PARD3B: variants seen among roughly 807,000 people sequenced by gnomAD.
PARD3B encodes the protein par-3 family cell polarity regulator beta.
In PARD3B, 103 loss-of-function variants were observed where a neutral mutation model predicts 130.2. The ratio of observed to expected loss-of-function variants is 0.79; its 90% CI spans 0.67 to 0.93. The LOEUF (loss-of-function observed/expected upper bound fraction) is 0.93, where lower values mean the gene tolerates loss of function less well. Ranked by LOEUF, PARD3B falls within the 40% of genes least tolerant of loss-of-function variation. The pLI, the probability that PARD3B is intolerant of heterozygous loss-of-function variation, is 0.00. For missense variants in PARD3B, 1,609 were observed against 1,499.2 expected (o/e 1.07, Z -1.21); for synonymous variants, 583 against 553.2 (o/e 1.05, Z -0.76).
At chr2:204,916,967 G>A (rs1389306678) in intron 2 of PARD3B, among the ~76,000 whole-genome samples, 2 of 152,114 alleles carry the variant, frequency 1.3e-5, no homozygotes, top group Non-Finnish European at 2.9e-5. Context: ...AAAAATCCCT[G>A]TTCTCTTGGT....
intron 3 of PARD3B, among the ~76,000 whole-genome samples, chr2:205,042,316 C>T (rs956269047): frequency 6.6e-6 from 1 of 152,120 alleles, no homozygotes; most frequent in African/African-American, 2.4e-5. Flanking sequence ...TCACTTTCTC[C>T]TATGAGGACG....
intron 20 of PARD3B, among the ~76,000 whole-genome samples, chr2:205,448,034 CTG>C (rs2047967941): frequency 6.6e-6 from 1 of 152,238 alleles, no homozygotes. Context: ...TGGCCAGGCT[CTG>C]TGCTTAGCAC....
In PARD3B at chr2:205,562,697, T is replaced by A. The variant is rs1283811540; in HGVS notation, c.3260+9294T>A. Among the ~76,000 whole-genome samples, 1 of 152,222 alleles carries A rather than the reference T, an allele frequency of 6.6e-6. No homozygotes were observed. ...TTGCTCTATATCTCATTTCTCATAATCTTTGGTAGTTCTTGATGTTTTCCT... is the reference window on the plus strand; with the variant it reads ...TTGCTCTATATCTCATTTCTCATAAACTTTGGTAGTTCTTGATGTTTTCCT... On this transcript the variant is annotated intron_variant, in intron 22 of 22. Transcript: ENST00000406610. This position sits in a 1 kb window ranked among gnomAD's most constrained non-coding sequence, Gnocchi z 5.4.
intron 15 of PARD3B, among the ~76,000 whole-genome samples, chr2:205,212,854 T>A (rs2037715406): frequency 6.6e-6 from 1 of 152,162 alleles, no homozygotes; most frequent in South Asian, 2.1e-4. Flanking sequence ...TGCCTATTAA[T>A]CTAGAATATG....
At chr2:205,364,457 G>A (rs2044523197) in intron 18 of PARD3B, among the ~76,000 whole-genome samples, 2 of 152,200 alleles carry the variant, frequency 1.3e-5, no homozygotes, top group African/African-American at 4.8e-5. Context: ...GCATTTTGAT[G>A]CAGCCACATT....
At position 205,615,499 on chromosome 2, in the gene PARD3B, C is replaced by G. The variant is rs369194609; in HGVS notation, c.3304C>G (p.Arg1102Gly). The change falls in exon 23 of 23, where the codon CGG becomes GGG. Residue 1102 changes from arginine (R) to glycine (G), a missense_variant. By Grantham distance (125) the Arg-to-Gly change is moderately radical (BLOSUM62 -2). Transcript: ENST00000406610. ...DPVDYLPAAP[R>G]GLYKERELPY... is the part of the protein sequence containing the mutation. The stretch of plus-strand genomic sequence containing the variant: ...TGTAGACTATCTGCCAGCAGCACCT[C>G]GGGGGCTCTACAAGGAAAGGGAGCT... 1.9e-5 allele frequency: 30 copies of G among 1,612,914 alleles called. No homozygotes were observed. The highest frequency in any genetic ancestry group is 3.3e-4 in the Middle Eastern group (2 of 6,070).
intron 2 of PARD3B, among the ~76,000 whole-genome samples, chr2:204,859,305 AC>A (rs1191352272): frequency 6.6e-6 from 1 of 152,138 alleles, no homozygotes. Context: ...TAGAAACTTT[AC>A]TCTGCACATA....
intron 18 of PARD3B, among the ~76,000 whole-genome samples, chr2:205,383,129 T>TAGATAGATAGAG (rs2045535157): frequency 2.9e-5 from 4 of 137,962 alleles, no homozygotes; most frequent in Non-Finnish European, 4.7e-5. Flanking sequence ...GATAGATAGA[T>TAGATAGATAGAG]AGATAGATAG....
At chr2:205,293,129 C>T (rs2041669316) in intron 16 of PARD3B, among the ~76,000 whole-genome samples, 1 of 151,822 alleles carries the variant, frequency 6.6e-6, no homozygotes, top group African/African-American at 2.4e-5. Flanking sequence ...ATAAAAATAG[C>T]ATTTAACCTT....
chr2:205,555,906 G>A (rs1002543588), intron 22 of PARD3B, among the ~76,000 whole-genome samples: 14 of 152,164 alleles, frequency 9.2e-5, no homozygotes, highest in African/African-American at 2.7e-4. Flanking sequence ...CCATGGGTGG[G>A]GGGCTCCAAA....
chr2:205,050,635 CTA>C (rs1699126050), intron 4 of PARD3B, among the ~76,000 whole-genome samples: 1 of 151,242 alleles, frequency 6.6e-6, no homozygotes, highest in African/African-American at 2.4e-5. Flanking sequence ...GTTATACTGA[CTA>C]TATGTGGAAA....
At chr2:204,925,622 G>A (rs1687554229) in intron 2 of PARD3B, among the ~76,000 whole-genome samples, 1 of 152,138 alleles carries the variant, frequency 6.6e-6, no homozygotes, top group Non-Finnish European at 1.5e-5. Context: ...AAGCTAGTCA[G>A]GATATAGTTC....
At chr2:204,806,897 A>T (rs76610981) in intron 2 of PARD3B, among the ~76,000 whole-genome samples, 4,665 of 152,272 alleles carry the variant, frequency 0.031, 115 homozygotes, top group East Asian at 0.16. Flanking sequence ...TGTGCTCAAC[A>T]TCATTGCATT....
intron 19 of PARD3B, among the ~76,000 whole-genome samples, chr2:205,418,798 A>G (rs1024109449): frequency 3.9e-5 from 6 of 152,194 alleles, no homozygotes; most frequent in Admixed American, 2.6e-4. Flanking sequence ...GTTTTCCATT[A>G]TAGTTTCTTT....
At chr2:205,177,413 A>G (rs1019024845) in intron 13 of PARD3B, among the ~76,000 whole-genome samples, 2 of 152,216 alleles carry the variant, frequency 1.3e-5, no homozygotes, top group East Asian at 3.8e-4. Context: ...AAATGTATGT[A>G]ATGTTTAGGA....
intron 4 of PARD3B, among the ~76,000 whole-genome samples, chr2:205,062,798 A>C (rs1700137056): frequency 6.6e-6 from 1 of 152,168 alleles, no homozygotes; most frequent in African/African-American, 2.4e-5. Flanking sequence ...AAAATAAACA[A>C]ATGTATTTTA....
Position 205,575,411 on chromosome 2 carries a change from C to G in PARD3B, c.3260+22008C>G, listed in dbSNP as rs1015278957. The stretch of plus-strand genomic sequence containing the variant: ...CCAAAGCCCATAGTTTACATTAGCG[C>G]TCTCTCGGTGTTGTTCATTCTGTGG... On this transcript the variant is annotated intron_variant, in intron 22 of 22. Coordinates refer to ENST00000406610, the MANE Select transcript of PARD3B (RefSeq NM_001302769.2). This position sits in a 1 kb window ranked among gnomAD's most constrained non-coding sequence, Gnocchi z 4.6. 9.9e-5 allele frequency among the ~76,000 whole-genome samples: 15 copies of G among 151,956 alleles called. No homozygotes were observed. The highest frequency in any genetic ancestry group is 3.4e-4 in the African/African-American group (14 of 41,364).
rs138703723 is a variant in PARD3B at position 205,010,588 on chromosome 2, G to C, written c.395-36993G>C. Among the ~76,000 whole-genome samples the C allele has an allele frequency of 3.5e-3, 532 of 152,192 alleles. 4 individuals carry two copies. Among genetic ancestry groups the C allele is most frequent in the Non-Finnish European group, 3.4e-3 (232 of 68,008 alleles). ...AATTTTTCACTCTACCATCACACTT[G>C]ATTTATAGTTTGGCTGCATATATAA... On this transcript the variant is annotated intron_variant, in intron 3 of 22. Transcript: ENST00000406610.
intron 2 of PARD3B, among the ~76,000 whole-genome samples, chr2:204,824,054 C>T (rs1241356972): frequency 6.6e-6 from 1 of 152,068 alleles, no homozygotes; most frequent in Non-Finnish European, 1.5e-5. Flanking sequence ...AGATAAAGCA[C>T]TTCTCTAATA....
Sources: allele counts gnomAD v4.1 joint callset (sites outside exome capture counted in the v4.1 genomes callset), GRCh38; gene constraint gnomAD v4.1.1; non-coding constraint Gnocchi (gnomAD v3.1); transcripts MANE v1.5; gene names NCBI Gene and HGNC (gene_info 2026-07-23, HGNC 2026-07-21).